SBNO1: variants seen among roughly 807,000 people sequenced by gnomAD.
SBNO1 encodes the protein strawberry notch homolog 1, also known as protein strawberry notch homolog 1.
SBNO1 carries 23 observed loss-of-function variants against 173.6 expected under a neutral mutation model. The ratio of observed to expected loss-of-function variants is 0.13; its 90% CI spans 0.10 to 0.19. The LOEUF (loss-of-function observed/expected upper bound fraction) is 0.19. Ranked by LOEUF, SBNO1 falls within the 10% of genes least tolerant of loss-of-function variation. The probability of loss-of-function intolerance (pLI) is 1.00; values close to 1 mark genes in which losing one functional copy is unlikely to be tolerated. For missense variants in SBNO1, 1,238 were observed against 1,671.2 expected, an observed-to-expected ratio of 0.74 and a Z score of 4.52; for synonymous variants, 632 against 571.5, an observed-to-expected ratio of 1.11 and a Z score of -1.51.
At chr12:123,331,396 A>C (rs1201140092) in intron 7 of SBNO1, 21 bp from the exon 8 acceptor site, 1 of 1,610,498 alleles carries the variant, frequency 6.2e-7, no homozygotes, top group South Asian at 1.1e-5. Context: ...AAAGGCTGGT[A>C]ATTAATATAA....
intron 31 of SBNO1, among the ~76,000 whole-genome samples, chr12:123,296,686 A>C (rs2048609189): frequency 6.6e-6 from 1 of 151,420 alleles, no homozygotes; most frequent in African/African-American, 2.4e-5. Context: ...TCAGCCTCCC[A>C]AGTAGCTGAG....
intron 1 of SBNO1, among the ~76,000 whole-genome samples, chr12:123,352,155 C>T (rs1873950683): frequency 6.6e-6 from 1 of 152,196 alleles, no homozygotes; most frequent in Non-Finnish European, 1.5e-5. Context: ...AACCAATTTA[C>T]ATATACAAAC....
At chr12:123,298,265 C>CTTTT in intron 30 of SBNO1, 94 bp from the exon 31 acceptor site, 2 of 1,231,574 alleles carry the variant, frequency 1.6e-6, no homozygotes, top group African/African-American at 1.6e-5. Context: ...AATTTCTTTT[C>CTTTT]TTTTCTTTTT....
In SBNO1 at chr12:123,291,990, T is replaced by C. The variant is rs921306923; in HGVS notation, c.*3918A>G. On this transcript the variant is annotated 3_prime_UTR_variant, in exon 32 of 32. Coordinates refer to ENST00000602398, the MANE Select transcript of SBNO1 (RefSeq NM_001167856.3). Reference sequence around the variant, plus strand: ...TTTCTGTCACTTAAAAGACACTGCATTTGTATCAGACAACTGGCATTCAAT... The same window carrying C: ...TTTCTGTCACTTAAAAGACACTGCACTTGTATCAGACAACTGGCATTCAAT... The C allele has an allele frequency of 1.3e-5, 2 of 152,060 alleles. No individual in the cohort carries two copies. Among genetic ancestry groups the C allele is most frequent in the African/African-American group, 4.8e-5 (2 of 41,484 alleles). The allele number at this position is 152,060 out of a possible 1,614,324, so 9.4% of individuals were successfully genotyped here. A position where few individuals can be genotyped will look rare whatever the true frequency, so the allele number is the denominator to read the frequency against.
intron 13 of SBNO1, 89 bp downstream of exon 13, chr12:123,327,337 A>G: frequency 2.8e-6 from 3 of 1,053,086 alleles, no homozygotes; most frequent in East Asian, 2.4e-5. Context: ...ATACATTCCC[A>G]TGGGCAGGAG....
At position 123,320,742 on chromosome 12, in the gene SBNO1, A is replaced by G; in HGVS notation, c.2448T>C (p.Phe816=). The change falls in exon 18 of 32, where the codon TTT becomes TTC. Residue 816 remains phenylalanine, a synonymous_variant. Transcript: ENST00000602398. ...ASGLGSKRPS[F]SSTPVISPAP... ...CAGGTGAGATAACTGGTGTAGATGA[A>G]AAACTAGGTCGTTTTGATCCAAGAC... The G allele has an allele frequency of 6.2e-7, 1 of 1,611,856 alleles. No homozygotes were observed. The highest frequency in any genetic ancestry group is 8.5e-7 in the Non-Finnish European group (1 of 1,179,328).
At position 123,320,832 on chromosome 12, in the gene SBNO1, G is replaced by C. The variant is rs1399844378; in HGVS notation, c.2358C>G (p.Asn786Lys). 1.9e-6 allele frequency: 3 copies of C among 1,591,650 alleles called. No homozygotes were observed. Among genetic ancestry groups the C allele is most frequent in the Admixed American group, 1.8e-5 (1 of 55,554 alleles). ...TACTTTTCTTCTTTTTTTTCTCTTT[G>C]TTTTTCTTGTGGTCTTTTCTAATTA... is the stretch of plus-strand genomic sequence containing the variant. The part of the protein sequence containing the change: ...PWLIRKDHKK[N>K]KEKKKKKSID... Residue 786 changes from asparagine to lysine, a missense_variant, in exon 18 of 32, where the codon AAC (asparagine) becomes AAG (lysine). By Grantham distance (94) the Asn-to-Lys change is moderately conservative. Coordinates refer to ENST00000602398, the MANE Select transcript of SBNO1 (RefSeq NM_001167856.3).
intron 9 of SBNO1, among the ~76,000 whole-genome samples, chr12:123,329,918 A>G (rs1015437952): frequency 3.7e-4 from 57 of 152,170 alleles, no homozygotes; most frequent in African/African-American, 1.3e-3. Flanking sequence ...ACTGGCACAC[A>G]TTGTCTTTCA....
chr12:123,348,700 A>G (rs1273615985), intron 2 of SBNO1, among the ~76,000 whole-genome samples: 2 of 152,212 alleles, frequency 1.3e-5, no homozygotes, highest in African/African-American at 4.8e-5. Context: ...TGGGAGGCGG[A>G]GGTTGCAGTG....
In SBNO1 at chr12:123,315,529, A is replaced by G. The variant is rs763457605; in HGVS notation, c.3048+19T>C. ...AATAGATCATCATTTACACACAGCC[A>G]CACAACTCCAAAACTCACCAAACTC... On this transcript the variant is annotated intron_variant, in intron 22 of 31. Transcript: ENST00000602398. 2.5e-6 allele frequency: 4 copies of G among 1,584,758 alleles called. No individual in the cohort carries two copies. The highest frequency in any genetic ancestry group is 1.7e-6 in the Non-Finnish European group (2 of 1,153,398).
chr12:123,301,758 AGAG>A (rs1369429893), intron 30 of SBNO1, among the ~76,000 whole-genome samples: 1 of 152,060 alleles, frequency 6.6e-6, no homozygotes, highest in Non-Finnish European at 1.5e-5. Flanking sequence ...TTTAAAAAAG[AGAG>A]GAAGAAAGAA....
chr12:123,311,748 A>ATATATT lies in SBNO1; in HGVS notation c.3221-620_3221-619insAATATA, dbSNP rs1255479099. 4.6e-3 allele frequency among the ~76,000 whole-genome samples: 622 copies of ATATATT among 134,214 alleles called. 11 individuals are homozygous for ATATATT. Among genetic ancestry groups the ATATATT allele is most frequent in the African/African-American group, 0.017 (589 of 34,718 alleles). The allele number at this position is 134,214 out of a possible 152,430, so 88.0% of individuals were successfully genotyped here. ...TATATATATATATATATATATATAT[A>ATATATT]TTTTTGCGACAGAGTCTGACTACGT... On this transcript the variant is annotated intron_variant, in intron 24 of 31. Transcript: ENST00000602398.
intron 20 of SBNO1, among the ~76,000 whole-genome samples, chr12:123,319,477 G>A (rs999169127): frequency 1.3e-5 from 2 of 151,916 alleles, no homozygotes; most frequent in Non-Finnish European, 2.9e-5. Flanking sequence ...GTGCGATCTC[G>A]GCTCACTGCA....
In SBNO1 at chr12:123,327,943, C is replaced by G; in HGVS notation, c.1381G>C (p.Glu461Gln). 1 of 1,613,442 alleles carries G rather than the reference C, an allele frequency of 6.2e-7. No individual in the cohort carries two copies. The highest frequency in any genetic ancestry group is 8.5e-7 in the Non-Finnish European group (1 of 1,179,554). ...KPTKTGLAVLELQNKLPKARV... is the reference protein window; with the variant it reads ...KPTKTGLAVLQLQNKLPKARV... Reference sequence around the variant, plus strand: ...GCTTTTGGCAATTTGTTCTGAAGCTCTAAAACTGCTAAGCCTGTCTTGGTT... The same window carrying G: ...GCTTTTGGCAATTTGTTCTGAAGCTGTAAAACTGCTAAGCCTGTCTTGGTT... The change falls in exon 11 of 32, where the codon GAG (glutamate) becomes CAG (glutamine). Residue 461 changes from glutamate to glutamine, a missense_variant. By Grantham distance (29) the Glu-to-Gln change is conservative (BLOSUM62 2). Transcript: ENST00000602398.
chr12:123,323,759 T>G lies in SBNO1; in HGVS notation c.2046A>C (p.Gly682=), dbSNP rs1455004210. Residue 682 remains glycine (G), a synonymous_variant, in exon 16 of 32, where the codon GGA becomes GGC. Coordinates refer to ENST00000602398, the MANE Select transcript of SBNO1 (RefSeq NM_001167856.3). ...PDRKKLYSLL[G]IDLTAPSNNS... is the part of the protein sequence containing the mutation. ...TGTTACTTGGAGCTGTCAAATCGAT[T>G]CCTAGTAAACTATAAAGTTTTTTCC... The G allele has an allele frequency of 1.2e-6, 2 of 1,613,046 alleles. No individual in the cohort carries two copies. The highest frequency in any genetic ancestry group is 1.7e-6 in the Non-Finnish European group (2 of 1,179,554).
At chr12:123,327,164 G>A (rs1465856266) in intron 13 of SBNO1, among the ~76,000 whole-genome samples, 1 of 151,880 alleles carries the variant, frequency 6.6e-6, no homozygotes, top group Non-Finnish European at 1.5e-5. Flanking sequence ...ACACCACCAT[G>A]CCCAGCTAAT....
At chr12:123,356,001 G>T (rs932401556) in intron 1 of SBNO1, among the ~76,000 whole-genome samples, 2 of 152,082 alleles carry the variant, frequency 1.3e-5, no homozygotes, top group African/African-American at 4.8e-5. Flanking sequence ...AGTTACCAAG[G>T]GGGACAAGGT....
chr12:123,353,633 T>C (rs1874124472), intron 1 of SBNO1, among the ~76,000 whole-genome samples: 1 of 152,174 alleles, frequency 6.6e-6, no homozygotes, highest in Admixed American at 6.6e-5. Flanking sequence ...AACTAATTTT[T>C]CTAATATAGA....
intron 13 of SBNO1, 38 bp downstream of exon 13, chr12:123,327,388 C>T: frequency 6.4e-7 from 1 of 1,551,486 alleles, no homozygotes; most frequent in South Asian, 1.1e-5. Context: ...TTATCAGATA[C>T]ATTAAATAAA....
Sources: allele counts gnomAD v4.1 joint callset (sites outside exome capture counted in the v4.1 genomes callset), GRCh38; gene constraint gnomAD v4.1.1; transcripts MANE v1.5; gene names NCBI Gene and HGNC (gene_info 2026-07-23, HGNC 2026-07-21).